UBE2E3: variants seen among roughly 807,000 people sequenced by gnomAD.
UBE2E3 encodes ubiquitin-conjugating enzyme E2 E3.
Under a neutral mutation model 23.6 loss-of-function variants are expected in UBE2E3, and 5 were observed. The ratio of observed to expected loss-of-function variants is 0.21; its 90% CI spans 0.11 to 0.44. UBE2E3 has a LOEUF of 0.44. Ranked by LOEUF, UBE2E3 falls within the 20% of genes least tolerant of loss-of-function variation. UBE2E3 has a pLI of 0.99. For missense variants in UBE2E3, 81 were observed against 249.8 expected (o/e 0.32, Z 4.55); for synonymous variants, 78 against 87.5 (o/e 0.89, Z 0.60).
chr2:181,011,680 T>G (rs1015715856), intron 3 of UBE2E3, among the ~76,000 whole-genome samples: 2 of 152,228 alleles, frequency 1.3e-5, no homozygotes, highest in African/African-American at 4.8e-5. Context: ...ACTTCCAGCT[T>G]AATGCCAGCC....
intron 3 of UBE2E3, chr2:180,987,394 G>C (rs1684513912): frequency 6.5e-7 from 1 of 1,549,680 alleles, no homozygotes; most frequent in African/African-American, 1.4e-5. Context: ...AGTTTAGAAA[G>C]GTACTGGATT....
intron 3 of UBE2E3, among the ~76,000 whole-genome samples, chr2:181,018,194 T>G (rs1685555479): frequency 1.3e-5 from 2 of 152,112 alleles, no homozygotes; most frequent in Non-Finnish European, 2.9e-5. Flanking sequence ...TAAAAACAGT[T>G]ATACTCTAGT....
chr2:181,038,396 AT>A (rs1019209745), intron 3 of UBE2E3, among the ~76,000 whole-genome samples: 12 of 152,186 alleles, frequency 7.9e-5, no homozygotes, highest in Non-Finnish European at 1.6e-4. Flanking sequence ...AAATGACAAA[AT>A]CCCCGAATGA....
At chr2:180,989,635 G>A (rs1244928009) in intron 3 of UBE2E3, among the ~76,000 whole-genome samples, 1 of 152,132 alleles carries the variant, frequency 6.6e-6, no homozygotes, top group African/African-American at 2.4e-5. Flanking sequence ...TTTTCCAAAA[G>A]AGTGACCAAC....
chr2:181,008,943 GT>G (rs1685233861), intron 3 of UBE2E3, among the ~76,000 whole-genome samples: 1 of 142,314 alleles, frequency 7.0e-6, no homozygotes, highest in African/African-American at 2.6e-5. Flanking sequence ...GGTATAATTT[GT>G]TTTATTTTTC....
intron 3 of UBE2E3, among the ~76,000 whole-genome samples, chr2:180,993,754 G>A (rs1360822696): frequency 6.6e-6 from 1 of 152,018 alleles, no homozygotes; most frequent in Non-Finnish European, 1.5e-5. Flanking sequence ...TTTATTCAGG[G>A]TCCCGAAGAG....
Position 180,981,998 on chromosome 2 carries a change from T to TCCC in UBE2E3, c.-25-18_-25-16dup, listed in dbSNP as rs777190271. On this transcript the variant is annotated intron_variant, in intron 1 of 5. Coordinates refer to ENST00000410062, the MANE Select transcript of UBE2E3 (RefSeq NM_006357.4). ...TAGATTTAACATTTTCTCCTCCTCC[T>TCCC]CCCCTGTTCTCTTTAAAAGTTTTCC... The TCCC allele has an allele frequency of 2.9e-5, 44 of 1,520,778 alleles. No individual in the cohort carries two copies. The Admixed American group carries it at 3.7e-4, about 13-fold the overall frequency. 94.2% of individuals were successfully genotyped at this position (1,520,778 alleles called of 1,614,324 possible).
chr2:181,033,296 T>C (rs1216480601), intron 3 of UBE2E3, among the ~76,000 whole-genome samples: 1 of 152,128 alleles, frequency 6.6e-6, no homozygotes, highest in Non-Finnish European at 1.5e-5. Flanking sequence ...AAGGCTACAG[T>C]AACCAAAACA....
At chr2:181,044,358 G>A (rs892219902) in intron 3 of UBE2E3, among the ~76,000 whole-genome samples, 2 of 152,096 alleles carry the variant, frequency 1.3e-5, no homozygotes, top group Non-Finnish European at 2.9e-5. Context: ...ATCTCTAAGC[G>A]ATAAATATAT....
chr2:181,062,226 T>C (rs766302753), intron 5 of UBE2E3, among the ~76,000 whole-genome samples: 2 of 151,688 alleles, frequency 1.3e-5, no homozygotes, highest in Admixed American at 6.6e-5. Context: ...GTACCATATG[T>C]ACATATTTTT....
chr2:180,993,905 A>G (rs1377550088), intron 3 of UBE2E3, among the ~76,000 whole-genome samples: 1 of 152,116 alleles, frequency 6.6e-6, no homozygotes, highest in Non-Finnish European at 1.5e-5. Flanking sequence ...CTTGCCTCAT[A>G]CTTGTTTCTT....
intron 3 of UBE2E3, among the ~76,000 whole-genome samples, chr2:181,016,367 A>T (rs767415082): frequency 6.6e-6 from 1 of 152,162 alleles, no homozygotes; most frequent in Non-Finnish European, 1.5e-5. Context: ...GGCATGAGCC[A>T]CCATGCTTGG....
At chr2:181,013,744 A>G (rs1685400852) in intron 3 of UBE2E3, among the ~76,000 whole-genome samples, 3 of 152,108 alleles carry the variant, frequency 2.0e-5, no homozygotes, top group Admixed American at 6.6e-5. Flanking sequence ...TTTTTGACCT[A>G]GGCTTGGAAT....
intron 3 of UBE2E3, among the ~76,000 whole-genome samples, chr2:181,037,459 T>A (rs915861633): frequency 1.6e-4 from 25 of 152,168 alleles, no homozygotes; most frequent in Non-Finnish European, 3.1e-4. Context: ...GTGATATATA[T>A]GCTCCTGAGC....
At position 181,031,277 on chromosome 2, in the gene UBE2E3, TGTG is replaced by T. The variant is rs550820174; in HGVS notation, c.246-26413_246-26411del. On this transcript the variant is annotated intron_variant, in intron 3 of 5. Coordinates refer to ENST00000410062, the MANE Select transcript of UBE2E3 (RefSeq NM_006357.4). ...TTCATTAAATCATGTTCATTTATTATGTGGTTCAGATATTCTGTATCTTCATTT... is the reference window on the plus strand; with the variant it reads ...TTCATTAAATCATGTTCATTTATTATGTTCAGATATTCTGTATCTTCATTT... Among the ~76,000 whole-genome samples the T allele has an allele frequency of 1.4e-4, 22 of 152,312 alleles. No individual in the cohort carries two copies. The East Asian group carries it at 3.3e-3, about 23-fold the overall frequency.
intron 3 of UBE2E3, among the ~76,000 whole-genome samples, chr2:181,028,102 AT>A (rs1685955044): frequency 6.6e-6 from 1 of 152,030 alleles, no homozygotes; most frequent in Non-Finnish European, 1.5e-5. Flanking sequence ...TTCTGAATGT[AT>A]TACTAAACGG....
intron 3 of UBE2E3, among the ~76,000 whole-genome samples, chr2:181,001,786 A>G (rs1684997952): frequency 6.6e-6 from 1 of 152,148 alleles, no homozygotes; most frequent in Non-Finnish European, 1.5e-5. Flanking sequence ...GGCGGAGAGA[A>G]AGAGAACAAG....
intron 3 of UBE2E3, among the ~76,000 whole-genome samples, chr2:181,029,812 G>T (rs922433310): frequency 1.3e-5 from 2 of 149,238 alleles, no homozygotes; most frequent in South Asian, 4.2e-4. Context: ...TGTTTGAAAA[G>T]GTATTCTTTA....
chr2:181,034,515 C>T (rs982936350), intron 3 of UBE2E3, among the ~76,000 whole-genome samples: 71 of 152,148 alleles, frequency 4.7e-4, no homozygotes, highest in South Asian at 6.3e-4. Flanking sequence ...CATCACACAC[C>T]GGGACCTACC....
Sources: allele counts gnomAD v4.1 joint callset (sites outside exome capture counted in the v4.1 genomes callset), GRCh38; gene constraint gnomAD v4.1.1; transcripts MANE v1.5; gene names NCBI Gene and HGNC (gene_info 2026-07-23, HGNC 2026-07-21).